The following RGS3 variants were observed in gnomAD, a reference collection of about 807,000 sequenced individuals.
RGS3 encodes the protein regulator of G-protein signalling 3.
A neutral mutation model predicts 132.6 loss-of-function variants in RGS3; 80 were observed. The observed-to-expected ratio is 0.60, with a 90% CI of 0.50 to 0.73. The LOEUF is 0.73. Among genes scored for constraint, RGS3 ranks in the 30% least tolerant of loss-of-function variants. The pLI, the probability that RGS3 is intolerant of heterozygous loss-of-function variation, is 0.00. For synonymous variants in RGS3, 598 were observed against 620.6 expected (o/e 0.96, Z 0.54); for missense variants, 1,382 against 1,530.8 (o/e 0.90, Z 1.62).
intron 19 of RGS3, chr9:113,581,021 A>T (rs1225566129): frequency 9.2e-4 from 54 of 58,608 alleles, no homozygotes; most frequent in Non-Finnish European, 1.5e-3. Context: ...TGGCTGGGCC[A>T]GGGGGTGGGT....
intron 1 of RGS3, among the ~76,000 whole-genome samples, chr9:113,460,998 G>A (rs1478121138): frequency 6.6e-6 from 1 of 152,122 alleles, no homozygotes; most frequent in Non-Finnish European, 1.5e-5. Context: ...TTGTGTGCAT[G>A]TGTCAGTGTG....
chr9:113,488,517 G>C (rs1830406660), intron 7 of RGS3, among the ~76,000 whole-genome samples: 1 of 152,222 alleles, frequency 6.6e-6, no homozygotes, highest in Non-Finnish European at 1.5e-5. Context: ...AGACAGCAGA[G>C]TGTCAGAGAG....
In RGS3 at chr9:113,565,915, GTCTGTC is replaced by G. The variant is rs780335386; in HGVS notation, c.2038-17533_2038-17528del. 7.4e-6 allele frequency among the ~76,000 whole-genome samples: 1 copy of G among 134,280 alleles called. No individual in the cohort carries two copies. The highest frequency in any genetic ancestry group is 1.6e-5 in the Non-Finnish European group (1 of 61,826). 88.1% of individuals were successfully genotyped at this position (134,280 alleles called of 152,430 possible). A position where few individuals can be genotyped will look rare whatever the true frequency, so the allele number is the denominator to read the frequency against. On this transcript the variant is annotated intron_variant, in intron 19 of 24. Transcript: ENST00000350696. This position sits in a 1 kb window ranked among gnomAD's most constrained non-coding sequence, Gnocchi z 5.7. The stretch of plus-strand genomic sequence containing the variant: ...TGTGTGTGTGTGTGTGTGTGTGTGT[GTCTGTC>G]TGTCTGTCTGTCTCAGGGGCTGGGA...
At chr9:113,534,261 T>G (rs1011822288) in intron 18 of RGS3, among the ~76,000 whole-genome samples, 6 of 152,224 alleles carry the variant, frequency 3.9e-5, no homozygotes, top group Non-Finnish European at 5.9e-5. Context: ...ATGCCTTAGC[T>G]TGTGTGTTGC....
chr9:113,567,386 C>G (rs145137992), intron 19 of RGS3, among the ~76,000 whole-genome samples: 3 of 152,316 alleles, frequency 2.0e-5, no homozygotes, highest in East Asian at 1.9e-4. Context: ...ATTCCTTAGT[C>G]GCAAGGACCT....
At chr9:113,471,436 T>G (rs1829827391) in intron 3 of RGS3, among the ~76,000 whole-genome samples, 4 of 152,282 alleles carry the variant, frequency 2.6e-5, no homozygotes, top group Admixed American at 2.0e-4. Flanking sequence ...GCCTGGTAGC[T>G]CCTCTCTCTC....
intron 19 of RGS3, among the ~76,000 whole-genome samples, chr9:113,551,040 A>T (rs940267212): frequency 6.6e-6 from 1 of 152,242 alleles, no homozygotes; most frequent in Non-Finnish European, 1.5e-5. Context: ...GTATTCACAC[A>T]CTTGTGTAAC....
At chr9:113,482,848 T>C in intron 4 of RGS3, 2 of 1,249,428 alleles carry the variant, frequency 1.6e-6, no homozygotes, top group East Asian at 5.3e-5. Context: ...ATGGTGGGAA[T>C]GGCCTAGACC....
Position 113,495,864 on chromosome 9 carries a change from T to C in RGS3, c.750+18T>C. ...CAGACAAGGTGGGTCCTAGGGATGC[T>C]TCTGTCAGGATCATCCCAACTGGGC... On this transcript the variant is annotated intron_variant, in intron 8 of 24. Transcript: ENST00000350696. 1.2e-6 allele frequency: 2 copies of C among 1,610,668 alleles called. No individual in the cohort carries two copies. Among genetic ancestry groups the C allele is most frequent in the Non-Finnish European group, 1.7e-6 (2 of 1,176,820 alleles).
At chr9:113,497,426 C>A in intron 9 of RGS3, 22 bp downstream of exon 7, 3 of 1,601,646 alleles carry the variant, frequency 1.9e-6, no homozygotes, top group Non-Finnish European at 2.6e-6. Context: ...CCCCCTTCAG[C>A]TTCCCTTCCC....
intron 14 of RGS3, 50 bp downstream of exon 12, chr9:113,508,630 G>A (rs1004125145): frequency 1.3e-6 from 2 of 1,593,208 alleles, no homozygotes; most frequent in Middle Eastern, 1.7e-4. Flanking sequence ...AGGCAGCAGG[G>A]GTCAGCTGAG....
chr9:113,536,824 C>T (rs752933619), exon 19 of RGS3: 11 of 1,614,112 alleles, frequency 6.8e-6, no homozygotes, highest in South Asian at 1.1e-5. Flanking sequence ...ACTTTGGAAG[C>T]GCACTCGCAG....
intron 19 of RGS3, among the ~76,000 whole-genome samples, chr9:113,563,245 T>G (rs572960381): frequency 2.0e-5 from 3 of 152,342 alleles, no homozygotes; most frequent in Middle Eastern, 6.8e-3. Context: ...TTAGTCTCAC[T>G]CCATGGCTAA....
chr9:113,544,299 G>GTTT (rs572535036), intron 19 of RGS3, among the ~76,000 whole-genome samples: 2 of 133,402 alleles, frequency 1.5e-5, no homozygotes, highest in Non-Finnish European at 3.2e-5. Context: ...CCATTTTCAT[G>GTTT]TTTTTTTTTT....
chr9:113,483,298 C>T (rs1379435330), intron 5 of RGS3, among the ~76,000 whole-genome samples, 181 bp downstream of exon 3: 6 of 152,172 alleles, frequency 3.9e-5, no homozygotes, highest in Non-Finnish European at 7.3e-5. Flanking sequence ...TCCCTTAGCT[C>T]GGCTGGGTCC....
At chr9:113,453,161 C>CATGATTATATAATATACTCATT (rs752687265) in intron 1 of RGS3, among the ~76,000 whole-genome samples, 1 of 116,862 alleles carries the variant, frequency 8.6e-6, no homozygotes, top group African/African-American at 3.2e-5. Context: ...ATAATATACT[C>CATGATTATATAATATACTCATT]ATATGATTAT....
At position 113,507,488 on chromosome 9, in the gene RGS3, C is replaced by T. The variant is rs1468073118; in HGVS notation, c.1287C>T (p.Asp429=). The T allele has an allele frequency of 3.7e-6, 6 of 1,612,932 alleles. No homozygotes were observed. Among genetic ancestry groups the T allele is most frequent in the Admixed American group, 1.7e-5 (1 of 59,930 alleles). Residue 429 remains aspartate, a synonymous_variant, in exon 13 of 25, where the codon GAC becomes GAT. Coordinates refer to ENST00000350696, the Ensembl canonical transcript of RGS3. The surrounding 1 kb of genome is among the most constrained non-coding windows in gnomAD (Gnocchi z 5.0). ...GCCACAGCTGCCACCTGGTATGTGA[C>T]AGCTCTGATGGGCTGCTGCTCGGCG...
rs781573879 is a variant in RGS3 at position 113,517,559 on chromosome 9, C to A, written c.1693C>A (p.Pro565Thr). The A allele has an allele frequency of 7.4e-6, 12 of 1,613,452 alleles. No homozygotes were observed. The highest frequency in any genetic ancestry group is 1.0e-5 in the Non-Finnish European group (12 of 1,179,996). Reference sequence around the variant, plus strand: ...TTTCCAGCCTCTAGATCTCTGTAATCCTGCCCGGACCCTCCTGCTGTCAGA... The same window carrying A: ...TTTCCAGCCTCTAGATCTCTGTAATACTGCCCGGACCCTCCTGCTGTCAGA... The change falls in exon 16 of 25, where the codon CCT becomes ACT. Residue 565 changes from proline (P) to threonine (T), a missense_variant. Physicochemically the swap from Pro to Thr is conservative, Grantham distance 38 (BLOSUM62 -1). Transcript: ENST00000350696.
At chr9:113,465,914 G>A (rs914520739) in intron 3 of RGS3, among the ~76,000 whole-genome samples, 14 of 152,282 alleles carry the variant, frequency 9.2e-5, no homozygotes, top group Non-Finnish European at 1.3e-4. Flanking sequence ...GCCATTTGTC[G>A]TGGTGCCCCT....
Sources: allele counts gnomAD v4.1 joint callset (sites outside exome capture counted in the v4.1 genomes callset), GRCh38; gene constraint gnomAD v4.1.1; non-coding constraint Gnocchi (gnomAD v3.1); transcripts MANE v1.5; gene names NCBI Gene and HGNC (gene_info 2026-07-23, HGNC 2026-07-21).